Variants in CLPB observed in about 807,000 individuals in gnomAD.
The protein encoded by CLPB is ClpB family mitochondrial disaggregase, also known as mitochondrial disaggregase.
In CLPB, 40 loss-of-function variants were observed where a neutral mutation model predicts 78.4. That is an observed-to-expected ratio of 0.51 (90% confidence interval 0.40 to 0.66). The LOEUF (loss-of-function observed/expected upper bound fraction) is 0.66, where lower values mean the gene tolerates loss of function less well. CLPB is among the 30% of genes least tolerant of loss of function. CLPB has a pLI of 0.00. For synonymous variants in CLPB, 333 were observed against 348.0 expected (o/e 0.96, Z 0.48); for missense variants, 780 against 886.9 (o/e 0.88, Z 1.53).
chr11:72,347,510 T>C (rs569599889), intron 5 of CLPB, among the ~76,000 whole-genome samples: 2 of 152,334 alleles, frequency 1.3e-5, no homozygotes, highest in East Asian at 1.9e-4. Flanking sequence ...AGGGAAAAGA[T>C]AGTAACAATA....
chr11:72,425,483 A>C (rs1294948105), intron 2 of CLPB, among the ~76,000 whole-genome samples: 1 of 152,134 alleles, frequency 6.6e-6, no homozygotes, highest in African/African-American at 2.4e-5. Context: ...ACTGGCTCTC[A>C]ATGTTTGACT....
chr11:72,344,197 C>T (rs150333846), intron 5 of CLPB, among the ~76,000 whole-genome samples: 1 of 152,204 alleles, frequency 6.6e-6, no homozygotes, highest in Non-Finnish European at 1.5e-5. Flanking sequence ...CCTTTTAATT[C>T]TTTTCTACCT....
At position 72,349,535 on chromosome 11, in the gene CLPB, G is replaced by A. The variant is rs117235043; in HGVS notation, c.775+9345C>T. ...GGGAAGGGACACTTGAATGCTAGGA[G>A]CAAACTCCTTTTGGGAAGGGACACT... On this transcript the variant is annotated intron_variant, in intron 5 of 15. Coordinates refer to ENST00000538039, the MANE Select transcript of CLPB (RefSeq NM_001258392.3). 2.6e-5 allele frequency among the ~76,000 whole-genome samples: 4 copies of A among 152,324 alleles called. No homozygotes were observed. The East Asian group carries it at 7.7e-4, about 29-fold the overall frequency.
chr11:72,330,083 C>T (rs1950197531), intron 5 of CLPB, among the ~76,000 whole-genome samples: 2 of 152,196 alleles, frequency 1.3e-5, no homozygotes, highest in Non-Finnish European at 2.9e-5. Context: ...TACCGCAGCA[C>T]AAATACATGT....
chr11:72,299,202 C>G (rs1949610837), intron 11 of CLPB, among the ~76,000 whole-genome samples: 1 of 152,230 alleles, frequency 6.6e-6, no homozygotes, highest in Non-Finnish European at 1.5e-5. Flanking sequence ...AGTCAACCTT[C>G]TAGTAGTTTC....
Position 72,431,114 on chromosome 11 carries a change from A to T in CLPB, c.404-751T>A, listed in dbSNP as rs538543998. ...CTAAGCCTAGGAGAAAAGCAACGCT[A>T]GCTAAGTGCGTCTGGCCTGGTCTGG... On this transcript the variant is annotated intron_variant, in intron 1 of 15. Coordinates refer to ENST00000538039, the MANE Select transcript of CLPB (RefSeq NM_001258392.3). Among the ~76,000 whole-genome samples, 3 of 152,366 alleles carry T rather than the reference A, an allele frequency of 2.0e-5. No individual in the cohort carries two copies. The South Asian group carries it at 6.2e-4, about 32-fold the overall frequency.
intron 2 of CLPB, among the ~76,000 whole-genome samples, chr11:72,424,257 G>C (rs1856297947): frequency 6.6e-6 from 1 of 152,166 alleles, no homozygotes; most frequent in African/African-American, 2.4e-5. Flanking sequence ...CCTGAGTATA[G>C]GCGCTCAGCC....
intron 3 of CLPB, among the ~76,000 whole-genome samples, chr11:72,381,875 T>A (rs1854927156): frequency 6.6e-6 from 1 of 151,254 alleles, no homozygotes; most frequent in South Asian, 2.1e-4. Context: ...GGCCCCACAC[T>A]CCAGGCCTGC....
At chr11:72,314,243 G>A (rs1005775115) in intron 7 of CLPB, among the ~76,000 whole-genome samples, 1 of 152,186 alleles carries the variant, frequency 6.6e-6, no homozygotes. Flanking sequence ...AGGGTCAACC[G>A]GGACTAGGTG....
At chr11:72,351,311 A>G (rs1590830777) in intron 5 of CLPB, 2 of 152,212 alleles carry the variant, frequency 1.3e-5, no homozygotes, top group African/African-American at 4.8e-5. Context: ...ATACCACTGG[A>G]CTTTAAGCTA....
intron 5 of CLPB, among the ~76,000 whole-genome samples, chr11:72,332,185 A>G (rs1423385199): frequency 6.6e-6 from 1 of 152,070 alleles, no homozygotes; most frequent in African/African-American, 2.4e-5. Flanking sequence ...TAAACCTTTC[A>G]AAGTATATAA....
At chr11:72,296,129 A>G (rs1949547750) in intron 11 of CLPB, among the ~76,000 whole-genome samples, 1 of 152,232 alleles carries the variant, frequency 6.6e-6, no homozygotes, top group Non-Finnish European at 1.5e-5. Flanking sequence ...AGGGAAGCCC[A>G]GCATGCTGCA....
At chr11:72,399,694 T>C (rs1855507335) in intron 3 of CLPB, among the ~76,000 whole-genome samples, 1 of 152,208 alleles carries the variant, frequency 6.6e-6, no homozygotes. Context: ...TCTCTTGAGC[T>C]TGTGGCTGCC....
At chr11:72,349,862 C>T (rs1005749139) in intron 5 of CLPB, among the ~76,000 whole-genome samples, 4 of 152,258 alleles carry the variant, frequency 2.6e-5, no homozygotes, top group African/African-American at 9.6e-5. Flanking sequence ...ACAGACCTGG[C>T]CCAGCCGATG....
At chr11:72,416,419 T>C (rs1590922563) in intron 2 of CLPB, among the ~76,000 whole-genome samples, 1 of 152,092 alleles carries the variant, frequency 6.6e-6, no homozygotes, top group East Asian at 1.9e-4. Flanking sequence ...AAATTGCTCA[T>C]AACAGGCCTT....
chr11:72,326,626 T>A (rs2135544896), intron 6 of CLPB, among the ~76,000 whole-genome samples: 1 of 152,084 alleles, frequency 6.6e-6, no homozygotes, highest in Non-Finnish European at 1.5e-5. Context: ...CCAGATAAGA[T>A]CAGAGTGACA....
rs1410986136 is a variant in CLPB, at chr11:72,287,842, T to C, written c.*5525A>G. ...CTCAATTCCTCAATATATATGGTTATGTCTAATTTCTCATGCCTAATTTTG... is the reference window on the plus strand; with the variant it reads ...CTCAATTCCTCAATATATATGGTTACGTCTAATTTCTCATGCCTAATTTTG... On this transcript the variant is annotated 3_prime_UTR_variant, in exon 16 of 16. Transcript: ENST00000538039. 6.6e-6 allele frequency: 1 copy of C among 152,210 alleles called. No homozygotes were observed. Among genetic ancestry groups the C allele is most frequent in the Non-Finnish European group, 1.5e-5 (1 of 68,032 alleles). 9.4% of individuals were successfully genotyped at this position (152,210 alleles called of 1,614,324 possible).
At position 72,293,307 on chromosome 11, in the gene CLPB, T is replaced by C; in HGVS notation, c.*60A>G. On this transcript the variant is annotated 3_prime_UTR_variant, in exon 16 of 16. Coordinates refer to ENST00000538039, the MANE Select transcript of CLPB (RefSeq NM_001258392.3). ...TGAGGGGAAGGTAAGTCAGTTGCCA[T>C]GCCACAGCCAAGGGGCCTTTATTGG... 2 of 1,579,280 alleles carry C rather than the reference T, an allele frequency of 1.3e-6. No individual in the cohort carries two copies. The highest frequency in any genetic ancestry group is 1.2e-5 in the South Asian group (1 of 85,618).
chr11:72,346,118 C>T lies in CLPB; in HGVS notation c.775+12762G>A, dbSNP rs141944132. ...TGAGGGGGCAGGCAGTATTGGTGTT[C>T]TCAGGATTACTAACAAATGTAGGTG... On this transcript the variant is annotated intron_variant, in intron 5 of 15. Transcript: ENST00000538039. 6.8e-3 allele frequency among the ~76,000 whole-genome samples: 1,031 copies of T among 152,196 alleles called. 5 individuals are homozygous for T. Among genetic ancestry groups the T allele is most frequent in the African/African-American group, 0.01 (431 of 41,506 alleles).
Sources: allele counts gnomAD v4.1 joint callset (sites outside exome capture counted in the v4.1 genomes callset), GRCh38; gene constraint gnomAD v4.1.1; transcripts MANE v1.5; gene names NCBI Gene and HGNC (gene_info 2026-07-23, HGNC 2026-07-21).